The following NTM variants were observed in gnomAD, a reference collection of about 807,000 sequenced individuals.
NTM encodes the protein neurotrimin.
In NTM, 13 loss-of-function variants were observed where a neutral mutation model predicts 42.1. The observed-to-expected ratio is 0.31, with a 90% CI of 0.20 to 0.49. NTM has a LOEUF of 0.49. Among genes scored for constraint, NTM ranks in the 20% least tolerant of loss-of-function variants. The pLI is 0.99. For missense variants in NTM, 373 were observed against 452.8 expected (o/e 0.82, Z 1.60); for synonymous variants, 187 against 179.2 (o/e 1.04, Z -0.35).
At chr11:131,848,851 A>G (rs1207072774) in intron 1 of NTM, among the ~76,000 whole-genome samples, 1 of 152,166 alleles carries the variant, frequency 6.6e-6, no homozygotes, top group Non-Finnish European at 1.5e-5. Flanking sequence ...TGGAGTTTCA[A>G]CACTGTTTTT....
At chr11:132,210,074 G>A (rs1343229482) in intron 3 of NTM, among the ~76,000 whole-genome samples, 1 of 152,170 alleles carries the variant, frequency 6.6e-6, no homozygotes, top group South Asian at 2.1e-4. Flanking sequence ...TGATTTTAGT[G>A]TGAGGGCCCC....
At chr11:131,581,730 G>A (rs2058429294) in intron 1 of NTM, among the ~76,000 whole-genome samples, 1 of 152,058 alleles carries the variant, frequency 6.6e-6, no homozygotes, top group African/African-American at 2.4e-5. Flanking sequence ...TTCTGCCTGG[G>A]CCCAGGGCAG....
chr11:131,413,971 G>T (rs1946692930), intron 1 of NTM, among the ~76,000 whole-genome samples: 1 of 152,192 alleles, frequency 6.6e-6, no homozygotes, highest in South Asian at 2.1e-4. Flanking sequence ...TAGAGTAATA[G>T]AATCCTGGTT....
intron 1 of NTM, among the ~76,000 whole-genome samples, chr11:131,671,773 G>A (rs1000107940): frequency 1.3e-5 from 2 of 152,226 alleles, no homozygotes; most frequent in Non-Finnish European, 2.9e-5. Flanking sequence ...AGAGAAGTGT[G>A]TCCCCTGAGC....
intron 1 of NTM, among the ~76,000 whole-genome samples, chr11:131,571,376 G>A (rs762171644): frequency 2.6e-4 from 39 of 152,174 alleles, no homozygotes; most frequent in Non-Finnish European, 4.9e-4. Context: ...ATCCTGTAGA[G>A]TAGGTATTAT....
intron 1 of NTM, among the ~76,000 whole-genome samples, chr11:131,581,210 G>T (rs117776773): frequency 0.032 from 4,835 of 152,312 alleles, 100 homozygotes; most frequent in Non-Finnish European, 0.048. Context: ...GCTCTTGCGG[G>T]TTGCTGGCAG....
intron 4 of NTM, among the ~76,000 whole-genome samples, chr11:132,244,356 G>A (rs1028738620): frequency 7.9e-5 from 12 of 152,222 alleles, no homozygotes; most frequent in African/African-American, 2.9e-4. Flanking sequence ...AGACAGCTGC[G>A]AGGAAAGGTG....
At chr11:132,206,292 G>A (rs985422287) in intron 3 of NTM, among the ~76,000 whole-genome samples, 2 of 152,170 alleles carry the variant, frequency 1.3e-5, no homozygotes, top group African/African-American at 4.8e-5. Flanking sequence ...CTAGGCACTA[G>A]GCATTCACGC....
chr11:131,988,937 G>A (rs1255056496), intron 2 of NTM, among the ~76,000 whole-genome samples: 1 of 152,246 alleles, frequency 6.6e-6, no homozygotes, highest in East Asian at 1.9e-4. Context: ...AACAGAGAAA[G>A]TAAAATATAT....
At chr11:131,472,202 T>A (rs1030677514) in intron 1 of NTM, among the ~76,000 whole-genome samples, 1 of 152,176 alleles carries the variant, frequency 6.6e-6, no homozygotes, top group Non-Finnish European at 1.5e-5. Flanking sequence ...GGGTGACACA[T>A]GAGGAAGTCA....
chr11:131,529,248 G>A (rs2050914180), intron 1 of NTM, among the ~76,000 whole-genome samples: 1 of 152,218 alleles, frequency 6.6e-6, no homozygotes. Flanking sequence ...CAGATAGAAA[G>A]GGTATTTACG....
chr11:131,756,183 T>C (rs191185482), intron 1 of NTM, among the ~76,000 whole-genome samples: 8 of 152,296 alleles, frequency 5.3e-5, no homozygotes, highest in Admixed American at 4.6e-4. Context: ...GGAAGTCATG[T>C]CATTTTTACT....
At chr11:131,750,678 A>G (rs1364997026) in intron 1 of NTM, among the ~76,000 whole-genome samples, 1 of 152,182 alleles carries the variant, frequency 6.6e-6, no homozygotes, top group Non-Finnish European at 1.5e-5. Context: ...ATTTCTGTGT[A>G]ACCACAGCAA....
intron 4 of NTM, among the ~76,000 whole-genome samples, chr11:132,272,276 G>C (rs568375756): frequency 1.1e-4 from 17 of 152,084 alleles, no homozygotes; most frequent in Admixed American, 1.0e-3. Context: ...CTGGATTACT[G>C]TAGCTTTATA....
In NTM at chr11:132,134,755, A is replaced by ATATATC. The variant is rs1555277645; in HGVS notation, c.168-11525_168-11520dup. On this transcript the variant is annotated intron_variant, in intron 2 of 8. Transcript: ENST00000683400. Reference sequence around the variant, plus strand: ...TATATATATATATATATATATATATATATATCTCACATTTTCTTTATCTAT... The same window carrying ATATATC: ...TATATATATATATATATATATATATATATATCTATATCTCACATTTTCTTTATCTAT... 7.2e-3 allele frequency among the ~76,000 whole-genome samples: 579 copies of ATATATC among 80,084 alleles called. 36 individuals are homozygous for ATATATC. Among genetic ancestry groups the ATATATC allele is most frequent in the Admixed American group, 0.011 (71 of 6,294 alleles). 52.5% of individuals were successfully genotyped at this position (80,084 alleles called of 152,430 possible). A position where few individuals can be genotyped will look rare whatever the true frequency, so the allele number is the denominator to read the frequency against.
At chr11:132,332,705 C>G (rs561221453) in intron 8 of NTM, 2 of 152,326 alleles carry the variant, frequency 1.3e-5, no homozygotes, top group Admixed American at 1.3e-4. Flanking sequence ...CGCTCTCAGT[C>G]GTCTCCCGAG....
At chr11:131,779,307 C>T (rs1377440792) in intron 1 of NTM, among the ~76,000 whole-genome samples, 1 of 152,198 alleles carries the variant, frequency 6.6e-6, no homozygotes, top group Non-Finnish European at 1.5e-5. Context: ...CCCATAACAA[C>T]TATGAGATAA....
intron 2 of NTM, among the ~76,000 whole-genome samples, chr11:131,982,532 C>T (rs1044999445): frequency 1.3e-5 from 2 of 151,986 alleles, no homozygotes; most frequent in Non-Finnish European, 2.9e-5. Flanking sequence ...CTTCTTCCAG[C>T]CAGGGTGCTC....
intron 1 of NTM, among the ~76,000 whole-genome samples, chr11:131,557,676 C>T (rs1017766399): frequency 3.3e-5 from 5 of 149,882 alleles, no homozygotes; most frequent in South Asian, 4.2e-4. Flanking sequence ...CTGCAGGAGG[C>T]ACTGTTGTTG....
Sources: gnomAD v4.1 joint callset for allele counts (sites outside exome capture counted in the v4.1 genomes callset) on GRCh38, gnomAD v4.1.1 for gene constraint, MANE v1.5 for transcripts, NCBI Gene and HGNC (gene_info 2026-07-23, HGNC 2026-07-21) for gene names.